PKD1L1: variants seen among roughly 807,000 people sequenced by gnomAD.
PKD1L1 encodes the protein polycystin 1 like 1, transient receptor potential channel interacting.
PKD1L1 carries 236 observed loss-of-function variants against 323.4 expected under a neutral mutation model. The ratio of observed to expected loss-of-function variants is 0.73; its 90% CI spans 0.66 to 0.81. The LOEUF is 0.81. Among genes scored for constraint, PKD1L1 ranks in the 40% least tolerant of loss-of-function variants. The pLI, the probability that PKD1L1 is intolerant of heterozygous loss-of-function variation, is 0.00. For missense variants in PKD1L1, 3,320 were observed against 3,508.0 expected, an observed-to-expected ratio of 0.95 and a Z score of 1.35; for synonymous variants, 1,344 against 1,335.0, an observed-to-expected ratio of 1.01 and a Z score of -0.15.
intron 24 of PKD1L1, among the ~76,000 whole-genome samples, chr7:47,867,190 T>C (rs1461878336): frequency 6.6e-6 from 1 of 152,218 alleles, no homozygotes; most frequent in Non-Finnish European, 1.5e-5. Context: ...CAGTGGGTCA[T>C]TGCAAGAAGT....
At chr7:47,853,947 G>C (rs1285216563) in intron 30 of PKD1L1, among the ~76,000 whole-genome samples, 1 of 152,120 alleles carries the variant, frequency 6.6e-6, no homozygotes, top group African/African-American at 2.4e-5. Context: ...ACCGTAACCT[G>C]TTTGCAGATA....
At chr7:47,816,689 A>C (rs1160984796) in intron 46 of PKD1L1, among the ~76,000 whole-genome samples, 2 of 152,240 alleles carry the variant, frequency 1.3e-5, no homozygotes, top group Non-Finnish European at 2.9e-5. Context: ...GAATTTTGTC[A>C]TAAGGTGAGA....
intron 12 of PKD1L1, among the ~76,000 whole-genome samples, chr7:47,903,136 T>C (rs1284469168): frequency 2.6e-5 from 4 of 152,196 alleles, no homozygotes; most frequent in Non-Finnish European, 5.9e-5. Flanking sequence ...TAAGTGGTTA[T>C]TTTGCAAATG....
chr7:47,906,565 G>T (rs951046738), intron 9 of PKD1L1, among the ~76,000 whole-genome samples: 11 of 152,004 alleles, frequency 7.2e-5, no homozygotes, highest in African/African-American at 2.7e-4. Context: ...ACATATGGAG[G>T]TGGATACCAA....
chr7:47,829,442 C>T lies in PKD1L1; in HGVS notation c.6718G>A (p.Ala2240Thr). ...TTTTTTACTTTTTCAACCTCGCCTG[C>T]ACAGTCAGGAATACTGCAGCTTGAA... ...FSSSCSIPDCAGEVEKVLAAR... is the reference protein window; with the variant it reads ...FSSSCSIPDCTGEVEKVLAAR... The change falls in exon 44 of 57, where the codon GCA becomes ACA. Residue 2240 changes from alanine to threonine, a missense_variant. Ala to Thr is a moderately conservative substitution (Grantham distance 58). Coordinates refer to ENST00000289672, the MANE Select transcript of PKD1L1 (RefSeq NM_138295.5). 1 of 1,609,664 alleles carries T rather than the reference C, an allele frequency of 6.2e-7. No homozygotes were observed. Among genetic ancestry groups the T allele is most frequent in the Non-Finnish European group, 8.5e-7 (1 of 1,178,878 alleles).
At chr7:47,884,155 G>GTC (rs141255839) in intron 19 of PKD1L1, among the ~76,000 whole-genome samples, 6,785 of 150,996 alleles carry the variant, frequency 0.045, 381 homozygotes, top group African/African-American at 0.14. Flanking sequence ...GAGCTGGTGT[G>GTC]TGTGTGTGTG....
At chr7:47,886,162 G>A in intron 17 of PKD1L1, 108 bp from the exon 18 acceptor site, 1 of 1,403,966 alleles carries the variant, frequency 7.1e-7, no homozygotes. Context: ...CAAATCTGTT[G>A]TGAATTTGAA....
intron 24 of PKD1L1, among the ~76,000 whole-genome samples, chr7:47,866,967 C>T (rs539357475): frequency 2.6e-5 from 4 of 152,208 alleles, no homozygotes; most frequent in African/African-American, 7.2e-5. Flanking sequence ...TCAATAATTG[C>T]GCATTTATTT....
intron 24 of PKD1L1, among the ~76,000 whole-genome samples, chr7:47,870,130 A>C (rs1028916649): frequency 6.6e-6 from 1 of 152,192 alleles, no homozygotes; most frequent in Middle Eastern, 3.4e-3. Flanking sequence ...AATGGCTATA[A>C]AGAAGATGAC....
At chr7:47,888,239 C>T in intron 16 of PKD1L1, 89 bp from the exon 17 acceptor site, 1 of 1,357,390 alleles carries the variant, frequency 7.4e-7, no homozygotes, top group Middle Eastern at 1.8e-4. Flanking sequence ...GTTTAAATCA[C>T]CCTACTTTGG....
chr7:47,809,768 C>A, intron 50 of PKD1L1, 191 bp from the exon 51 acceptor site: 1 of 441,706 alleles, frequency 2.3e-6, no homozygotes, highest in South Asian at 4.6e-5. Context: ...TGGTGCCTCT[C>A]CACAAGTCAA....
chr7:47,799,729 G>A (rs1402743078), intron 54 of PKD1L1, among the ~76,000 whole-genome samples: 1 of 152,182 alleles, frequency 6.6e-6, no homozygotes. Context: ...GGGAAGGCAT[G>A]TTCAGTAAGT....
chr7:47,787,107 CG>C (rs1786825684), intron 56 of PKD1L1, among the ~76,000 whole-genome samples: 1 of 152,032 alleles, frequency 6.6e-6, no homozygotes, highest in Non-Finnish European at 1.5e-5. Flanking sequence ...GAAATTCAAA[CG>C]AATTGTTTCC....
Position 47,811,905 on chromosome 7 carries a change from G to T in PKD1L1, c.7493C>A (p.Thr2498Lys). The T allele has an allele frequency of 6.2e-7, 1 of 1,610,278 alleles. No individual in the cohort carries two copies. Among genetic ancestry groups the T allele is most frequent in the Non-Finnish European group, 8.5e-7 (1 of 1,178,520 alleles). Reference sequence around the variant, plus strand: ...CAGGGATGAGGGGACGAGACTCCCCGTAGGGAGGATCTCCACTCTCAGGGA... The same window carrying T: ...CAGGGATGAGGGGACGAGACTCCCCTTAGGGAGGATCTCCACTCTCAGGGA... ...SVSLRVEILP[T>K]GSLVPSSLVE... The change falls in exon 50 of 57, where the codon ACG becomes AAG. Residue 2498 changes from threonine to lysine, a missense_variant. Coordinates refer to ENST00000289672, the MANE Select transcript of PKD1L1 (RefSeq NM_138295.5).
At chr7:47,884,706 C>A in intron 18 of PKD1L1, 49 bp from the exon 19 acceptor site, 1 of 1,509,722 alleles carries the variant, frequency 6.6e-7, no homozygotes. Flanking sequence ...TCACAGAATC[C>A]CCTGAAATTA....
Position 47,830,090 on chromosome 7 carries a change from G to A in PKD1L1, c.6508C>T (p.Leu2170=). ...GQEQCVQWLH[L]LSLSVVCCIF... is the part of the protein sequence containing the mutation. Reference sequence around the variant, plus strand: ...CAGCAGACCACGGAGAGGGACAGCAGGTGCAGCCACTGCACACATTGCTCC... The same window carrying A: ...CAGCAGACCACGGAGAGGGACAGCAAGTGCAGCCACTGCACACATTGCTCC... The change falls in exon 43 of 57, where the codon CTG becomes TTG. Residue 2170 remains leucine (L), a synonymous_variant. Transcript: ENST00000289672. The A allele has an allele frequency of 6.2e-7, 1 of 1,614,160 alleles. No individual in the cohort carries two copies. The highest frequency in any genetic ancestry group is 8.5e-7 in the Non-Finnish European group (1 of 1,180,034).
intron 7 of PKD1L1, among the ~76,000 whole-genome samples, chr7:47,916,775 G>C (rs756965021): frequency 6.6e-6 from 1 of 152,142 alleles, no homozygotes; most frequent in Non-Finnish European, 1.5e-5. Flanking sequence ...ATAGGAAAAG[G>C]GGATGAGTAC....
chr7:47,853,695 A>G (rs976702886), intron 30 of PKD1L1, among the ~76,000 whole-genome samples: 5 of 151,226 alleles, frequency 3.3e-5, no homozygotes, highest in African/African-American at 4.9e-5. Flanking sequence ...GTGAGCGGAG[A>G]TCACACCATT....
In PKD1L1 at chr7:47,899,772, C is replaced by T. The variant is rs183624950; in HGVS notation, c.2065-1578G>A. ...GAGATCAAGACCATCCTGGCTAACA[C>T]GGTGAAACCCTGTTTTTACTAAAAA... On this transcript the variant is annotated intron_variant, in intron 13 of 56. Transcript: ENST00000289672. Among the ~76,000 whole-genome samples the T allele has an allele frequency of 1.2e-3, 186 of 152,098 alleles. 1 individual carries two copies. The highest frequency in any genetic ancestry group is 4.2e-3 in the African/African-American group (173 of 41,490).
Sources: gnomAD v4.1 joint callset for allele counts (sites outside exome capture counted in the v4.1 genomes callset) on GRCh38, gnomAD v4.1.1 for gene constraint, MANE v1.5 for transcripts, NCBI Gene and HGNC (gene_info 2026-07-23, HGNC 2026-07-21) for gene names.